B9D1: variants seen among roughly 807,000 people sequenced by gnomAD.
The protein encoded by B9D1 is B9 domain containing 1.
Under a neutral mutation model 26.1 loss-of-function variants are expected in B9D1, and 20 were observed. That is an observed-to-expected ratio of 0.77 (90% confidence interval 0.54 to 1.12). The LOEUF (loss-of-function observed/expected upper bound fraction) is 1.12. Ranked by LOEUF, B9D1 falls within the 50% of genes most tolerant of loss-of-function variation. The pLI, the probability that B9D1 is intolerant of heterozygous loss-of-function variation, is 0.00. For synonymous variants in B9D1, 105 were observed against 103.1 expected, an observed-to-expected ratio of 1.02 and a Z score of -0.11; for missense variants, 260 against 273.7, an observed-to-expected ratio of 0.95 and a Z score of 0.35.
At chr17:19,339,833 T>C (rs1351501803), downstream of B9D1, among the ~76,000 whole-genome samples, 1 of 152,204 alleles carries the variant, frequency 6.6e-6, no homozygotes, top group Non-Finnish European at 1.5e-5. Context: ...TTTCATACTT[T>C]GCTTTGGCTA....
intron 6 of B9D1, 134 bp downstream of exon 6, chr17:19,343,656 T>C (rs1216185432): frequency 2.5e-6 from 4 of 1,597,736 alleles, no homozygotes; most frequent in Non-Finnish European, 3.4e-6. Flanking sequence ...AACCAGGCCC[T>C]CATCTGGGAA....
upstream of B9D1, among the ~76,000 whole-genome samples, chr17:19,367,463 C>A (rs1201004861): frequency 6.6e-6 from 1 of 152,036 alleles, no homozygotes; most frequent in Non-Finnish European, 1.5e-5. Flanking sequence ...TGGTGCCTGC[C>A]ACCATGCCCA....
chr17:19,360,084 G>T lies in B9D1; in HGVS notation c.132+236C>A, dbSNP rs377655506. ...CCTACTGCAGGTGTTGCTCTTTGCT[G>T]CCCCGGGGAAGCTCACAGGGTAGGG... On this transcript the variant is annotated intron_variant, in intron 2 of 6. Transcript: ENST00000261499. 3.7e-4 allele frequency among the ~76,000 whole-genome samples: 56 copies of T among 152,290 alleles called. No individual in the cohort carries two copies. In the South Asian group the frequency reaches 0.011, roughly 29 times the overall value.
chr17:19,377,846 G>A (rs552947387), intron 1 of B9D1: 4 of 985,430 alleles, frequency 4.1e-6, no homozygotes, highest in Non-Finnish European at 4.8e-6. Context: ...ACAAACGAGC[G>A]GAGGGAAGAT....
rs1188046086 is a variant in B9D1, at chr17:19,346,866, A to T, written c.404+403T>A. On this transcript the variant is annotated intron_variant, in intron 5 of 6. Transcript: ENST00000261499. ...TCCCTCCACACTAAGCCTCTGCGCA[A>T]ATGTCAGCTCCGGCCAGAGACTCCC... The T allele has an allele frequency of 4.4e-6, 6 of 1,373,350 alleles. No homozygotes were observed. The East Asian group carries it at 1.7e-4, about 38-fold the overall frequency. The allele number at this position is 1,373,350 out of a possible 1,614,324, so 85.1% of individuals were successfully genotyped here.
intron 5 of B9D1, among the ~76,000 whole-genome samples, chr17:19,345,330 A>G (rs1908626635): frequency 6.6e-6 from 1 of 152,166 alleles, no homozygotes; most frequent in African/African-American, 2.4e-5. Context: ...GTGCAGCCCC[A>G]GTTGTGTTTT....
At chr17:19,364,741 C>T (rs1314751820), upstream of B9D1, 1 of 153,008 alleles carries the variant, frequency 6.5e-6, no homozygotes, top group Non-Finnish European at 1.5e-5. The surrounding 1 kb of genome is among the most constrained non-coding windows in gnomAD (Gnocchi z 4.3). Flanking sequence ...CAGATGCCTT[C>T]CTGGGCTCCT....
At chr17:19,344,130 G>A (rs1422261989) in intron 5 of B9D1, among the ~76,000 whole-genome samples, 1 of 152,200 alleles carries the variant, frequency 6.6e-6, no homozygotes, top group African/African-American at 2.4e-5. Flanking sequence ...TCCATCTCTG[G>A]CTTCCATGGG....
chr17:19,335,387 TCC>T (rs985475948), downstream of B9D1: 49 of 1,547,398 alleles, frequency 3.2e-5, no homozygotes, highest in African/African-American at 6.2e-4. Flanking sequence ...ATCAACTAAT[TCC>T]TTTTTTTTAT....
At chr17:19,340,202 C>T (rs1907806903), downstream of B9D1, among the ~76,000 whole-genome samples, 1 of 152,042 alleles carries the variant, frequency 6.6e-6, no homozygotes, top group Non-Finnish European at 1.5e-5. Flanking sequence ...ATGGAGTCTC[C>T]CTCTGTCGCC....
At chr17:19,345,861 G>T (rs528839058) in intron 5 of B9D1, among the ~76,000 whole-genome samples, 7 of 152,346 alleles carry the variant, frequency 4.6e-5, no homozygotes, top group African/African-American at 1.7e-4. Context: ...CGAGGTGTCA[G>T]CCTGAGCAAG....
At chr17:19,345,583 C>A (rs1908663012) in intron 5 of B9D1, among the ~76,000 whole-genome samples, 1 of 152,210 alleles carries the variant, frequency 6.6e-6, no homozygotes, top group Admixed American at 6.5e-5. Flanking sequence ...AAGGCTGGGG[C>A]CACCAGAAAC....
chr17:19,336,363 C>T (rs1043394818), downstream of B9D1: 9 of 152,316 alleles, frequency 5.9e-5, no homozygotes, highest in Non-Finnish European at 8.8e-5. Context: ...AGACTAGACT[C>T]GACTACTTGG....
chr17:19,343,744 G>A, intron 6 of B9D1, 46 bp downstream of exon 6: 1 of 1,613,260 alleles, frequency 6.2e-7, no homozygotes, highest in Non-Finnish European at 8.5e-7. Flanking sequence ...CTCCCAGGCT[G>A]TAACCTGTAT....
chr17:19,357,791 C>A (rs370040453), intron 3 of B9D1, 49 bp downstream of exon 3: 39 of 1,353,666 alleles, frequency 2.9e-5, no homozygotes, highest in Non-Finnish European at 4.0e-5. Context: ...CTTGGGGGTG[C>A]TGTGTGAAAG....
At chr17:19,345,442 G>A (rs143602622) in intron 5 of B9D1, among the ~76,000 whole-genome samples, 36 of 152,304 alleles carry the variant, frequency 2.4e-4, no homozygotes, top group African/African-American at 4.1e-4. Flanking sequence ...CTGGGAAACC[G>A]TGCACGTGAC....
chr17:19,345,964 G>C (rs1372383216), intron 5 of B9D1, among the ~76,000 whole-genome samples: 1 of 152,226 alleles, frequency 6.6e-6, no homozygotes, highest in Non-Finnish European at 1.5e-5. Flanking sequence ...ATACTGCCTT[G>C]CCCAGTTGCG....
At chr17:19,335,767 T>C (rs1241749379), downstream of B9D1, 3 of 278,606 alleles carry the variant, frequency 1.1e-5, no homozygotes, top group East Asian at 6.1e-5. Context: ...TTAACAAACA[T>C]GCACTAATAT....
chr17:19,360,233 T>C, intron 2 of B9D1, 87 bp downstream of exon 2: 1 of 1,274,284 alleles, frequency 7.8e-7, no homozygotes, highest in Non-Finnish European at 1.1e-6. Context: ...TCTTAACTTG[T>C]TCTGAATGGG....
Sources: gnomAD v4.1 joint callset for allele counts (sites outside exome capture counted in the v4.1 genomes callset) on GRCh38, gnomAD v4.1.1 for gene constraint, Gnocchi (gnomAD v3.1) non-coding constraint, MANE v1.5 for transcripts, NCBI Gene and HGNC (gene_info 2026-07-23, HGNC 2026-07-21) for gene names.